The following CHSY1 variants were observed in gnomAD, a reference collection of about 807,000 sequenced individuals.
CHSY1 encodes N-acetylgalactosaminyl-proteoglycan 3-beta-glucuronosyltransferase 1.
CHSY1 carries 13 observed loss-of-function variants against 59.8 expected under a neutral mutation model. The ratio of observed to expected loss-of-function variants is 0.22; its 90% CI spans 0.14 to 0.35. The LOEUF (loss-of-function observed/expected upper bound fraction) is 0.35. Among genes scored for constraint, CHSY1 ranks in the 10% least tolerant of loss-of-function variants. The probability of loss-of-function intolerance (pLI) is 1.00; values close to 1 mark genes in which losing one functional copy is unlikely to be tolerated. For synonymous variants in CHSY1, 459 were observed against 401.2 expected (o/e 1.14, Z -1.72); for missense variants, 947 against 1,030.6 (o/e 0.92, Z 1.11).
intron 2 of CHSY1, among the ~76,000 whole-genome samples, chr15:101,232,110 C>T (rs1596451132): frequency 6.6e-6 from 1 of 152,190 alleles, no homozygotes; most frequent in Admixed American, 6.5e-5. Context: ...CCTCACAAGT[C>T]ATTTTAATTA....
intron 1 of CHSY1, among the ~76,000 whole-genome samples, chr15:101,246,533 C>T (rs1333855678): frequency 1.3e-5 from 2 of 152,092 alleles, no homozygotes; most frequent in East Asian, 1.9e-4. Context: ...ATGGGTGGTA[C>T]TGGCACAAGA....
intron 2 of CHSY1, among the ~76,000 whole-genome samples, chr15:101,225,892 T>C (rs1346272764): frequency 1.3e-5 from 2 of 152,202 alleles, no homozygotes; most frequent in Non-Finnish European, 2.9e-5. Context: ...CTGTGCTATG[T>C]CTTAAGATAA....
At chr15:101,219,928 G>A (rs979888132) in intron 2 of CHSY1, among the ~76,000 whole-genome samples, 4 of 152,058 alleles carry the variant, frequency 2.6e-5, no homozygotes, top group African/African-American at 9.7e-5. Context: ...CACCACGCCC[G>A]GCTAATTTTG....
chr15:101,208,668 G>C (rs1266812677), intron 2 of CHSY1, among the ~76,000 whole-genome samples: 2 of 148,688 alleles, frequency 1.3e-5, no homozygotes, highest in African/African-American at 5.0e-5. Context: ...AACCGAGATC[G>C]TGCCACTGCA....
chr15:101,194,359 C>T (rs1272532813), intron 2 of CHSY1, among the ~76,000 whole-genome samples: 1 of 152,222 alleles, frequency 6.6e-6, no homozygotes, highest in Non-Finnish European at 1.5e-5. Context: ...TGTGTACGCA[C>T]ACATTTTACA....
chr15:101,200,473 C>T (rs2038562214), intron 2 of CHSY1, among the ~76,000 whole-genome samples: 1 of 152,144 alleles, frequency 6.6e-6, no homozygotes, highest in African/African-American at 2.4e-5. Flanking sequence ...TCACAAAAGT[C>T]TTTTCTGGGG....
At chr15:101,214,654 A>C (rs1426710443) in intron 2 of CHSY1, among the ~76,000 whole-genome samples, 1 of 150,898 alleles carries the variant, frequency 6.6e-6, no homozygotes, top group Non-Finnish European at 1.5e-5. Context: ...TGGATTTCTC[A>C]TGCATAGGTG....
chr15:101,205,939 G>A (rs1229235225), intron 2 of CHSY1, among the ~76,000 whole-genome samples: 5 of 151,368 alleles, frequency 3.3e-5, no homozygotes, highest in African/African-American at 1.2e-4. Context: ...GCGAAAGAGA[G>A]AGACTCCGTC....
intron 2 of CHSY1, among the ~76,000 whole-genome samples, chr15:101,222,756 G>C (rs1013643388): frequency 1.3e-5 from 2 of 152,194 alleles, no homozygotes; most frequent in African/African-American, 2.4e-5. Flanking sequence ...AGACTATGCA[G>C]AGCTGATGTG....
intron 2 of CHSY1, among the ~76,000 whole-genome samples, chr15:101,199,377 C>G (rs1376499196): frequency 1.3e-5 from 2 of 152,164 alleles, no homozygotes; most frequent in Non-Finnish European, 2.9e-5. Flanking sequence ...GTAGCACGCG[C>G]CTGTAGTTCC....
chr15:101,232,184 G>A (rs2038899348), intron 2 of CHSY1, among the ~76,000 whole-genome samples: 1 of 152,138 alleles, frequency 6.6e-6, no homozygotes, highest in African/African-American at 2.4e-5. Flanking sequence ...TTCTGGCTAG[G>A]CTTATAATAG....
chr15:101,201,010 C>A (rs2141253863), intron 2 of CHSY1, among the ~76,000 whole-genome samples: 1 of 152,140 alleles, frequency 6.6e-6, no homozygotes, highest in East Asian at 1.9e-4. Flanking sequence ...CTGCCTGAGC[C>A]AGGGTCTGTG....
chr15:101,202,640 G>A (rs1244377056), intron 2 of CHSY1, among the ~76,000 whole-genome samples: 1 of 152,110 alleles, frequency 6.6e-6, no homozygotes, highest in East Asian at 1.9e-4. Flanking sequence ...GAGGCTGCAG[G>A]GGAGGATGGA....
chr15:101,228,722 AT>A (rs2038864966), intron 2 of CHSY1, among the ~76,000 whole-genome samples: 1 of 152,248 alleles, frequency 6.6e-6, no homozygotes, highest in African/African-American at 2.4e-5. Flanking sequence ...TATGAAAAAT[AT>A]TAAAGGAAGT....
intron 2 of CHSY1, among the ~76,000 whole-genome samples, chr15:101,233,147 A>G (rs2038907632): frequency 6.6e-6 from 1 of 152,180 alleles, no homozygotes; most frequent in Non-Finnish European, 1.5e-5. Context: ...GGCCATCAGA[A>G]ACCTTTTGTG....
intron 2 of CHSY1, among the ~76,000 whole-genome samples, chr15:101,217,138 T>C (rs916527479): frequency 2.0e-5 from 3 of 152,258 alleles, no homozygotes; most frequent in Non-Finnish European, 4.4e-5. Context: ...GAAACCATTA[T>C]GCTTGTACAC....
chr15:101,178,719 G>A lies in CHSY1; in HGVS notation c.1078C>T (p.Pro360Ser), dbSNP rs1001593723. The A allele has an allele frequency of 6.2e-7, 1 of 1,614,138 alleles. No homozygotes were observed. The highest frequency in any genetic ancestry group is 1.7e-5 in the Admixed American group (1 of 60,014). Reference protein sequence around the residue: ...HKEDLQLGIPPSFMRFQPRQR... With the variant: ...HKEDLQLGIPSSFMRFQPRQR... ...CGGGGCTGAAACCTCATGAAGGAGG[G>A]AGGGATTCCCAGCTGGAGGTCCTCT... The change falls in exon 3 of 3, where the codon CCC (proline) becomes TCC (serine). Residue 360 changes from proline to serine, a missense_variant. Coordinates refer to ENST00000254190, the MANE Select transcript of CHSY1 (RefSeq NM_014918.5).
intron 2 of CHSY1, among the ~76,000 whole-genome samples, chr15:101,204,286 T>G (rs1567094879): frequency 6.6e-6 from 1 of 151,846 alleles, no homozygotes. Context: ...ATACAAAAAT[T>G]AGCTGGGCGT....
chr15:101,180,146 T>C (rs185154019), intron 2 of CHSY1, among the ~76,000 whole-genome samples: 40 of 152,338 alleles, frequency 2.6e-4, no homozygotes, highest in Middle Eastern at 3.4e-3. Context: ...TACCGTTTAA[T>C]AGTAGAGAAA....
Sources: gnomAD v4.1 joint callset for allele counts (sites outside exome capture counted in the v4.1 genomes callset) on GRCh38, gnomAD v4.1.1 for gene constraint, MANE v1.5 for transcripts, NCBI Gene and HGNC (gene_info 2026-07-23, HGNC 2026-07-21) for gene names.